FAM171A1: variants seen among roughly 807,000 people sequenced by gnomAD.
The protein encoded by FAM171A1 is family with sequence similarity 171 member A1.
FAM171A1 carries 23 observed loss-of-function variants against 74.9 expected under a neutral mutation model. The ratio of observed to expected loss-of-function variants is 0.31; its 90% CI spans 0.22 to 0.44. FAM171A1 has a LOEUF of 0.44. FAM171A1 is among the 20% of genes least tolerant of loss of function. The pLI is 1.00. For missense variants in FAM171A1, 1,162 were observed against 1,159.2 expected (o/e 1.00, Z -0.03); for synonymous variants, 527 against 505.7 (o/e 1.04, Z -0.57).
At chr10:15,354,421 G>C (rs1233573549) in intron 1 of FAM171A1, among the ~76,000 whole-genome samples, 1 of 151,462 alleles carries the variant, frequency 6.6e-6, no homozygotes, top group Admixed American at 6.6e-5. Flanking sequence ...GCTTGAACCC[G>C]GGAAGCAGAG....
intron 1 of FAM171A1, among the ~76,000 whole-genome samples, chr10:15,307,713 A>C (rs1432191418): frequency 1.3e-5 from 2 of 151,222 alleles, no homozygotes; most frequent in African/African-American, 4.9e-5. Flanking sequence ...CCACCACAAA[A>C]CCATGGGTAT....
intron 3 of FAM171A1, among the ~76,000 whole-genome samples, chr10:15,270,600 G>A (rs7900649): frequency 0.056 from 8,490 of 152,242 alleles, 429 homozygotes; most frequent in African/African-American, 0.13. Flanking sequence ...CCTGACCCCC[G>A]AGTAGCCTAA....
intron 3 of FAM171A1, among the ~76,000 whole-genome samples, chr10:15,275,312 A>G (rs1834879508): frequency 6.6e-6 from 1 of 150,796 alleles, no homozygotes; most frequent in Non-Finnish European, 1.5e-5. Context: ...TTTGAGATGA[A>G]GTCTCACTCT....
At chr10:15,234,583 G>A (rs1834256169) in intron 5 of FAM171A1, among the ~76,000 whole-genome samples, 1 of 152,014 alleles carries the variant, frequency 6.6e-6, no homozygotes, top group Non-Finnish European at 1.5e-5. Flanking sequence ...CAGTCTCTTT[G>A]GTTACGGGAG....
chr10:15,372,999 A>AG (rs1479727304), upstream of FAM171A1, among the ~76,000 whole-genome samples: 1 of 152,182 alleles, frequency 6.6e-6, no homozygotes, highest in Non-Finnish European at 1.5e-5. Context: ...CCAGGCCAGA[A>AG]GGAGGGTTAT....
intron 5 of FAM171A1, chr10:15,240,840 G>A (rs1834354989): frequency 1.7e-6 from 1 of 585,732 alleles, no homozygotes; most frequent in Non-Finnish European, 2.1e-6. Flanking sequence ...AGGAGTCTGA[G>A]ACCAGTCTGG....
chr10:15,311,919 C>A (rs567729738), intron 1 of FAM171A1, among the ~76,000 whole-genome samples: 2 of 152,212 alleles, frequency 1.3e-5, no homozygotes, highest in Non-Finnish European at 2.9e-5. Flanking sequence ...AAACTGAAGG[C>A]CTCATCCTAC....
In FAM171A1 at chr10:15,213,162, T is replaced by A; in HGVS notation, c.2426A>T (p.Glu809Val). ...SECGTTVCTPEDSALRCLLEG... is the reference protein window; with the variant it reads ...SECGTTVCTPVDSALRCLLEG... ...CAACAAGCATCGCAGGGCACTGTCC[T>A]CGGGGGTACAGACCGTGGTCCCACA... The change falls in exon 8 of 8, where the codon GAG becomes GTG. Residue 809 changes from glutamate (E) to valine (V), a missense_variant. Coordinates refer to ENST00000378116, the MANE Select transcript of FAM171A1 (RefSeq NM_001010924.2). This position sits in a 1 kb window ranked among gnomAD's most constrained non-coding sequence, Gnocchi z 6.8. 6.8e-6 allele frequency: 11 copies of A among 1,614,124 alleles called. No homozygotes were observed. The highest frequency in any genetic ancestry group is 9.3e-6 in the Non-Finnish European group (11 of 1,180,018).
At chr10:15,348,275 G>C (rs1026583612) in intron 1 of FAM171A1, among the ~76,000 whole-genome samples, 2 of 152,086 alleles carry the variant, frequency 1.3e-5, no homozygotes, top group Non-Finnish European at 2.9e-5. Flanking sequence ...CACTGTGCCT[G>C]GCCAAGAATG....
intron 1 of FAM171A1, among the ~76,000 whole-genome samples, chr10:15,289,496 T>C (rs1179700706): frequency 6.6e-6 from 1 of 152,118 alleles, no homozygotes; most frequent in Non-Finnish European, 1.5e-5. Flanking sequence ...AAGCAGGCCT[T>C]TCTTTTGTAC....
chr10:15,349,367 C>G (rs560001903), intron 1 of FAM171A1, among the ~76,000 whole-genome samples: 3 of 152,308 alleles, frequency 2.0e-5, no homozygotes, highest in South Asian at 2.1e-4. Context: ...GCATGTAACT[C>G]GAGTAGGAGG....
chr10:15,329,238 A>G (rs1046721692), intron 1 of FAM171A1, among the ~76,000 whole-genome samples: 4 of 152,234 alleles, frequency 2.6e-5, no homozygotes, highest in Admixed American at 6.5e-5. Context: ...TATAAATAAG[A>G]GTGCTGACCA....
intron 1 of FAM171A1, among the ~76,000 whole-genome samples, chr10:15,297,651 A>C (rs1342172311): frequency 6.6e-6 from 1 of 152,244 alleles, no homozygotes; most frequent in Non-Finnish European, 1.5e-5. Context: ...ATCATGTTAG[A>C]TACATATAGA....
chr10:15,249,682 A>C (rs1416120630), intron 4 of FAM171A1, among the ~76,000 whole-genome samples: 1 of 152,220 alleles, frequency 6.6e-6, no homozygotes, highest in African/African-American at 2.4e-5. Context: ...TGGACTTGAA[A>C]TATTTATGAG....
chr10:15,308,279 T>C (rs1213869168), intron 1 of FAM171A1, among the ~76,000 whole-genome samples: 30 of 152,206 alleles, frequency 2.0e-4, no homozygotes, highest in Admixed American at 2.0e-3. Flanking sequence ...AGGAAGGGCA[T>C]ATACTCTCAT....
chr10:15,325,199 G>T (rs898494147), intron 1 of FAM171A1, among the ~76,000 whole-genome samples: 1 of 152,206 alleles, frequency 6.6e-6, no homozygotes, highest in Non-Finnish European at 1.5e-5. Flanking sequence ...AGCAGACAGA[G>T]AACTTTTAAG....
intron 1 of FAM171A1, among the ~76,000 whole-genome samples, chr10:15,292,646 GCTAA>G (rs762613169): frequency 1.2e-4 from 18 of 151,932 alleles, no homozygotes; most frequent in Non-Finnish European, 1.9e-4. Flanking sequence ...ACCATGCCAG[GCTAA>G]CTTTTTATAT....
chr10:15,276,064 A>C, intron 2 of FAM171A1, 117 bp from the exon 3 acceptor site: 1 of 636,530 alleles, frequency 1.6e-6, no homozygotes, highest in Non-Finnish European at 2.7e-6. Flanking sequence ...AATTAATACA[A>C]TTAATTTTTA....
At chr10:15,283,493 G>T (rs916982800) in intron 2 of FAM171A1, among the ~76,000 whole-genome samples, 1 of 152,192 alleles carries the variant, frequency 6.6e-6, no homozygotes, top group Non-Finnish European at 1.5e-5. Flanking sequence ...ACAGTATCTG[G>T]TGGAGGGGGA....
Sources: gnomAD v4.1 joint callset for allele counts (sites outside exome capture counted in the v4.1 genomes callset) on GRCh38, gnomAD v4.1.1 for gene constraint, Gnocchi (gnomAD v3.1) non-coding constraint, MANE v1.5 for transcripts, NCBI Gene and HGNC (gene_info 2026-07-23, HGNC 2026-07-21) for gene names.